HSPG2: variants seen among roughly 807,000 people sequenced by gnomAD.
HSPG2 encodes basement membrane-specific heparan sulfate proteoglycan core protein.
In HSPG2, 278 loss-of-function variants were observed where a neutral mutation model predicts 526.6. That is an observed-to-expected ratio of 0.53 (90% CI 0.48 to 0.58). The LOEUF (loss-of-function observed/expected upper bound fraction) is 0.58. HSPG2 is among the 20% of genes least tolerant of loss of function. The pLI is 0.00. For synonymous variants in HSPG2, 2,465 were observed against 2,555.4 expected, an observed-to-expected ratio of 0.96 and a Z score of 1.07; for missense variants, 5,354 against 6,099.5, an observed-to-expected ratio of 0.88 and a Z score of 4.07.
Position 21,851,923 on chromosome 1 carries a change from G to C in HSPG2, c.6874C>G (p.Arg2292Gly). Residue 2292 changes from arginine (R) to glycine (G), a missense_variant, in exon 54 of 97, where the codon CGT (arginine) becomes GGT (glycine). Arg to Gly is a moderately radical substitution (Grantham distance 125, BLOSUM62 -2). Coordinates refer to ENST00000374695, the MANE Select transcript of HSPG2 (RefSeq NM_005529.7). Reference sequence around the variant, plus strand: ...TGGAAGATGTACAGGCGGGAGCCACGAACCTGGGCAGCCGTGGGCAGAGGT... The same window carrying C: ...TGGAAGATGTACAGGCGGGAGCCACCAACCTGGGCAGCCGTGGGCAGAGGT... ...GGSLPARHQV[R>G]GSRLYIFQAS... The C allele has an allele frequency of 6.2e-7, 1 of 1,602,476 alleles. No individual in the cohort carries two copies. Among genetic ancestry groups the C allele is most frequent in the African/African-American group, 1.3e-5 (1 of 74,788 alleles).
At chr1:21,875,032 G>C (rs979014284) in intron 25 of HSPG2, 30 bp from the exon 26 acceptor site, 2 of 1,499,532 alleles carry the variant, frequency 1.3e-6, no homozygotes, top group Non-Finnish European at 1.8e-6. Flanking sequence ...GCGTGAATAG[G>C]AGTGCTGGCT....
At chr1:21,841,035 C>G in intron 71 of HSPG2, 66 bp downstream of exon 71, 1 of 1,490,286 alleles carries the variant, frequency 6.7e-7, no homozygotes. Flanking sequence ...CTATCTCCTC[C>G]AAGCACCCGC....
intron 91 of HSPG2, 61 bp downstream of exon 91, chr1:21,827,802 T>A: frequency 6.7e-7 from 1 of 1,502,920 alleles, no homozygotes; most frequent in Admixed American, 2.0e-5. Flanking sequence ...ATTGAGGGTG[T>A]GGGGTAACTG....
chr1:21,893,092 C>T lies in HSPG2; in HGVS notation c.245-2398G>A, dbSNP rs1642483855. 6.6e-6 allele frequency among the ~76,000 whole-genome samples: 1 copy of T among 152,148 alleles called. No individual in the cohort carries two copies. The highest frequency in any genetic ancestry group is 6.5e-5 in the Admixed American group (1 of 15,282). On this transcript the variant is annotated intron_variant, in intron 3 of 96. Transcript: ENST00000374695. The surrounding 1 kb of genome is among the most constrained non-coding windows in gnomAD (Gnocchi z 4.3). ...GTGGGGGCTGCACACCTGACTAGCC[C>T]TGGCCCCGGAGCAGGCTACTCACCA...
At chr1:21,881,204 C>A in intron 14 of HSPG2, 135 bp downstream of exon 14, 1 of 1,083,380 alleles carries the variant, frequency 9.2e-7, no homozygotes, top group South Asian at 1.3e-5. Context: ...ATGGATGAGC[C>A]GCTGCCACAG....
At chr1:21,862,242 G>T in intron 37 of HSPG2, 127 bp from the exon 38 acceptor site, 1 of 1,132,424 alleles carries the variant, frequency 8.8e-7, no homozygotes. Flanking sequence ...AATCATGGAA[G>T]GGCACAAAGA....
chr1:21,905,965 G>A (rs1459280422), intron 1 of HSPG2, among the ~76,000 whole-genome samples: 1 of 152,230 alleles, frequency 6.6e-6, no homozygotes, highest in East Asian at 1.9e-4. Context: ...AGCTATGATT[G>A]CACCACTGTA....
At chr1:21,886,692 G>C (rs1641919854) in intron 9 of HSPG2, among the ~76,000 whole-genome samples, 1 of 152,158 alleles carries the variant, frequency 6.6e-6, no homozygotes, top group Non-Finnish European at 1.5e-5. Flanking sequence ...GGATGGGAGG[G>C]AAGAAGGACG....
In HSPG2 at chr1:21,864,818, G is replaced by A. The variant is rs753808326; in HGVS notation, c.4626+25C>T. ...CTGATGCCTCTGTGCCTGTGCAGAG[G>A]TGGTGGAGCTGGCCACACACTCACC... is the stretch of plus-strand genomic sequence containing the variant. On this transcript the variant is annotated intron_variant, in intron 36 of 96. Transcript: ENST00000374695. The surrounding 1 kb of genome is among the most constrained non-coding windows in gnomAD (Gnocchi z 4.8). 6.3e-7 allele frequency: 1 copy of A among 1,579,404 alleles called. No homozygotes were observed. Among genetic ancestry groups the A allele is most frequent in the Non-Finnish European group, 8.6e-7 (1 of 1,156,732 alleles).
In HSPG2 at chr1:21,859,520, C is replaced by T. The variant is rs1639618255; in HGVS notation, c.5293+46G>A. ...CTGCCTGAATCTGCAGCCTGCAGCC[C>T]AGCCCAGGACAGGCAGTCTTGGTTA... On this transcript the variant is annotated intron_variant, in intron 42 of 96. Coordinates refer to ENST00000374695, the MANE Select transcript of HSPG2 (RefSeq NM_005529.7). The surrounding 1 kb of genome is among the most constrained non-coding windows in gnomAD (Gnocchi z 5.3). 1.4e-6 allele frequency: 2 copies of T among 1,422,674 alleles called. No individual in the cohort carries two copies. The highest frequency in any genetic ancestry group is 1.2e-5 in the South Asian group (1 of 81,378). 88.1% of individuals were successfully genotyped at this position (1,422,674 alleles called of 1,614,324 possible).
In HSPG2 at chr1:21,904,034, G is replaced by A. The variant is rs1305084846; in HGVS notation, c.64-7724C>T. ...GTTCAATTCAAGTCACTTCAACCTC[G>A]ACTTACGGGGTACCTACTATGTGCT... On this transcript the variant is annotated intron_variant, in intron 1 of 96. Transcript: ENST00000374695. This position sits in a 1 kb window ranked among gnomAD's most constrained non-coding sequence, Gnocchi z 4.4. Among the ~76,000 whole-genome samples the A allele has an allele frequency of 1.3e-5, 2 of 152,176 alleles. No individual in the cohort carries two copies. The highest frequency in any genetic ancestry group is 4.8e-5 in the African/African-American group (2 of 41,424).
At position 21,865,948 on chromosome 1, in the gene HSPG2, A is replaced by C. The variant is rs1640199194; in HGVS notation, c.4222-139T>G. On this transcript the variant is annotated intron_variant, in intron 33 of 96. Coordinates refer to ENST00000374695, the MANE Select transcript of HSPG2 (RefSeq NM_005529.7). The surrounding 1 kb of genome is among the most constrained non-coding windows in gnomAD (Gnocchi z 5.4). ...CACCCCCCTCCCTGCCCAAACCAAG[A>C]GGCCAGGGTGCATGGTTGCCTGGGA... 4.4e-6 allele frequency: 3 copies of C among 683,196 alleles called. No homozygotes were observed. The Admixed American group carries it at 6.2e-5, about 14-fold the overall frequency. The allele number at this position is 683,196 out of a possible 1,614,324, so 42.3% of individuals were successfully genotyped here.
rs546976111 is a variant in HSPG2 at position 21,852,846 on chromosome 1, G to A, written c.6592-14C>T. ...CGAGCCGTGGGTCTGTGTGCAAATG[G>A]GGTGGGTTGGGAGGGGGCTGGAACA... On this transcript the variant is annotated splice_polypyrimidine_tract_variant and intron_variant, in intron 51 of 96. Transcript: ENST00000374695. 6 of 1,611,706 alleles carry A rather than the reference G, an allele frequency of 3.7e-6. No individual in the cohort carries two copies. The South Asian group carries it at 6.6e-5, about 18-fold the overall frequency.
Position 21,824,015 on chromosome 1 carries a change from C to T in HSPG2, c.12899+106G>A. On this transcript the variant is annotated intron_variant, in intron 95 of 96. Transcript: ENST00000374695. This position sits in a 1 kb window ranked among gnomAD's most constrained non-coding sequence, Gnocchi z 5.9. ...TTCTCCCCTCCCCTGGCTTCAAGTT[C>T]TGTCTCCACAGAGCTCAATACCTGC... The T allele has an allele frequency of 1.7e-6, 2 of 1,149,442 alleles. No individual in the cohort carries two copies. Among genetic ancestry groups the T allele is most frequent in the Non-Finnish European group, 1.3e-6 (1 of 783,600 alleles). The allele number at this position is 1,149,442 out of a possible 1,614,324, so 71.2% of individuals were successfully genotyped here.
chr1:21,849,972 C>T, intron 57 of HSPG2, 69 bp downstream of exon 57: 1 of 1,595,576 alleles, frequency 6.3e-7, no homozygotes. Flanking sequence ...GCCACTGCGC[C>T]CGGTCAAGCC....
At chr1:21,863,297 CAGG>C (rs1639971547) in intron 37 of HSPG2, among the ~76,000 whole-genome samples, 3 of 151,238 alleles carry the variant, frequency 2.0e-5, no homozygotes, top group African/African-American at 7.3e-5. Context: ...GGCGTGAACC[CAGG>C]AGGTGGAGCT....
intron 55 of HSPG2, chr1:21,851,345 T>C (rs1638879484): frequency 1.6e-5 from 11 of 679,556 alleles, no homozygotes; most frequent in Non-Finnish European, 2.7e-5. Context: ...TTGTCCGAGG[T>C]CACAAGCTAA....
intron 1 of HSPG2, among the ~76,000 whole-genome samples, chr1:21,922,234 C>T (rs568179254): frequency 1.2e-4 from 19 of 152,304 alleles, no homozygotes; most frequent in African/African-American, 4.1e-4. Context: ...CTCAGAGAGG[C>T]GAACTCACCC....
At chr1:21,835,142 CTT>C (rs11338283) in intron 76 of HSPG2, 197 bp from the exon 77 acceptor site, 1,130 of 585,228 alleles carry the variant, frequency 1.9e-3, no homozygotes, top group Middle Eastern at 3.1e-3. Context: ...GTGTCCACTT[CTT>C]TTTTTTTTTT....
Sources: gnomAD v4.1 joint callset for allele counts (sites outside exome capture counted in the v4.1 genomes callset) on GRCh38, gnomAD v4.1.1 for gene constraint, Gnocchi (gnomAD v3.1) non-coding constraint, MANE v1.5 for transcripts, NCBI Gene and HGNC (gene_info 2026-07-23, HGNC 2026-07-21) for gene names.